DPYSL3: variants seen among roughly 807,000 people sequenced by gnomAD.
The protein encoded by DPYSL3 is dihydropyrimidinase like 3.
A neutral mutation model predicts 66.1 loss-of-function variants in DPYSL3; 16 were observed. The ratio of observed to expected loss-of-function variants is 0.24; its 90% CI spans 0.16 to 0.37. The LOEUF is 0.37. Ranked by LOEUF, DPYSL3 falls within the 10% of genes least tolerant of loss-of-function variation. DPYSL3 has a pLI of 1.00. For missense variants in DPYSL3, 738 were observed against 916.2 expected (o/e 0.81, Z 2.51); for synonymous variants, 338 against 345.1 (o/e 0.98, Z 0.23).
intron 6 of DPYSL3, among the ~76,000 whole-genome samples, chr5:147,409,501 A>C (rs779487424): frequency 6.6e-6 from 1 of 152,228 alleles, no homozygotes; most frequent in African/African-American, 2.4e-5. Context: ...AGCATTACCT[A>C]AGTTAGTGTC....
intron 7 of DPYSL3, chr5:147,405,931 T>C (rs747330582): frequency 1.9e-6 from 1 of 529,110 alleles, no homozygotes; most frequent in Non-Finnish European, 3.2e-6. Context: ...CCAGTGCCTC[T>C]ATCCCTCACT....
At chr5:147,397,338 T>C (rs115074975) in intron 12 of DPYSL3, among the ~76,000 whole-genome samples, 3,017 of 151,096 alleles carry the variant, frequency 0.02, 92 homozygotes, top group African/African-American at 0.069. Context: ...GATTCTCGGT[T>C]CTCACCTTCA....
At chr5:147,455,988 A>G (rs1051546428) in intron 1 of DPYSL3, among the ~76,000 whole-genome samples, 4 of 152,156 alleles carry the variant, frequency 2.6e-5, no homozygotes, top group Non-Finnish European at 5.9e-5. Flanking sequence ...GTTTGCATGC[A>G]AGAGGCCATG....
At chr5:147,401,498 T>A (rs1031950780) in intron 9 of DPYSL3, 42 bp downstream of exon 9, 4 of 1,572,946 alleles carry the variant, frequency 2.5e-6, no homozygotes, top group East Asian at 2.3e-5. Flanking sequence ...ACTCAAGAGA[T>A]GTTTTCACAA....
intron 1 of DPYSL3, among the ~76,000 whole-genome samples, chr5:147,457,119 T>C (rs912460597): frequency 1.3e-5 from 2 of 152,210 alleles, no homozygotes; most frequent in Non-Finnish European, 2.9e-5. Context: ...TCAGTGTTAG[T>C]GCAATGGAGG....
intron 1 of DPYSL3, among the ~76,000 whole-genome samples, chr5:147,461,445 C>A (rs1561796568): frequency 6.6e-6 from 1 of 152,146 alleles, no homozygotes; most frequent in Non-Finnish European, 1.5e-5. Flanking sequence ...CCATTTGGGA[C>A]CCCTCTCTCT....
At position 147,494,859 on chromosome 5, in the gene DPYSL3, A is replaced by T. The variant is rs527693131; in HGVS notation, c.381+14619T>A. On this transcript the variant is annotated intron_variant, in intron 1 of 13. Coordinates refer to ENST00000343218, the MANE Select transcript of DPYSL3 (RefSeq NM_001197294.2). ...GCGCCACTGCACTCCAGCCTGGGTGACAGAGCAAGACTCCATCTCAAAATA... is the reference window on the plus strand; with the variant it reads ...GCGCCACTGCACTCCAGCCTGGGTGTCAGAGCAAGACTCCATCTCAAAATA... Among the ~76,000 whole-genome samples the T allele has an allele frequency of 3.4e-3, 504 of 148,172 alleles. 5 individuals are homozygous for T. The highest frequency in any genetic ancestry group is 0.012 in the African/African-American group (481 of 40,204).
intron 7 of DPYSL3, 40 bp from the exon 8 acceptor site, chr5:147,405,770 C>T (rs1282510885): frequency 5.0e-6 from 8 of 1,586,412 alleles, no homozygotes; most frequent in African/African-American, 1.4e-5. Flanking sequence ...GAAACATGAA[C>T]CTCTCAAACT....
At chr5:147,433,027 T>C (rs1022365613) in intron 1 of DPYSL3, among the ~76,000 whole-genome samples, 16 of 152,310 alleles carry the variant, frequency 1.1e-4, no homozygotes, top group East Asian at 9.6e-4. Flanking sequence ...ACTTTTTCCT[T>C]GATCTACTCA....
At chr5:147,500,351 C>T (rs776162423) in intron 1 of DPYSL3, among the ~76,000 whole-genome samples, 38 of 152,100 alleles carry the variant, frequency 2.5e-4, no homozygotes, top group African/African-American at 3.4e-4. Context: ...CGGTGGCTCA[C>T]GCCTGTAATC....
At chr5:147,483,856 A>G (rs1753287835) in intron 1 of DPYSL3, among the ~76,000 whole-genome samples, 1 of 152,210 alleles carries the variant, frequency 6.6e-6, no homozygotes, top group South Asian at 2.1e-4. Flanking sequence ...CGATTATCTC[A>G]TCTGTAAAAT....
intron 1 of DPYSL3, among the ~76,000 whole-genome samples, chr5:147,434,870 T>C (rs1752388695): frequency 6.6e-6 from 1 of 152,160 alleles, no homozygotes; most frequent in African/African-American, 2.4e-5. Context: ...TTAAGACCCG[T>C]AGAACTACTC....
At chr5:147,413,037 G>A (rs1029797089) in intron 5 of DPYSL3, among the ~76,000 whole-genome samples, 1 of 152,120 alleles carries the variant, frequency 6.6e-6, no homozygotes, top group African/African-American at 2.4e-5. Context: ...AAATGCTCTA[G>A]AAAACCACTA....
At chr5:147,457,300 A>G (rs763201930) in intron 1 of DPYSL3, among the ~76,000 whole-genome samples, 7 of 152,108 alleles carry the variant, frequency 4.6e-5, no homozygotes, top group Admixed American at 1.3e-4. Flanking sequence ...TATTCTCCCC[A>G]TCACCAGAAT....
At chr5:147,505,240 C>A (rs559767751) in intron 1 of DPYSL3, among the ~76,000 whole-genome samples, 1 of 151,774 alleles carries the variant, frequency 6.6e-6, no homozygotes, top group East Asian at 1.9e-4. Context: ...CACTCAGAGA[C>A]GTTTTTTTTT....
intron 10 of DPYSL3, among the ~76,000 whole-genome samples, chr5:147,400,467 C>T (rs752994871): frequency 1.3e-5 from 2 of 152,228 alleles, no homozygotes; most frequent in Non-Finnish European, 2.9e-5. Context: ...CTAGTCCTAA[C>T]AGTCTAGATA....
At chr5:147,495,068 C>T (rs1254039041) in intron 1 of DPYSL3, among the ~76,000 whole-genome samples, 1 of 151,964 alleles carries the variant, frequency 6.6e-6, no homozygotes, top group Non-Finnish European at 1.5e-5. Context: ...CAATAATTAC[C>T]TTCCAAATCA....
chr5:147,482,352 A>G (rs1379047241), intron 1 of DPYSL3, among the ~76,000 whole-genome samples: 1 of 152,244 alleles, frequency 6.6e-6, no homozygotes, highest in Admixed American at 6.5e-5. Flanking sequence ...CCTTTGTGGA[A>G]GTGGTGGATC....
Position 147,509,982 on chromosome 5 carries a change from G to A in DPYSL3, c.-124C>T. On this transcript the variant is annotated 5_prime_UTR_variant, in exon 1 of 14. Transcript: ENST00000343218. This position sits in a 1 kb window ranked among gnomAD's most constrained non-coding sequence, Gnocchi z 5.3. ...GAGGCGCCTGAGCCTTCGCGCCAGA[G>A]GCGGCAGTGCTGCTCCGATTCCTGC... The A allele has an allele frequency of 7.2e-7, 1 of 1,389,880 alleles. No homozygotes were observed. Among genetic ancestry groups the A allele is most frequent in the Middle Eastern group, 2.6e-4 (1 of 3,818 alleles). The allele number at this position is 1,389,880 out of a possible 1,614,324, so 86.1% of individuals were successfully genotyped here.
Sources: allele counts gnomAD v4.1 joint callset (sites outside exome capture counted in the v4.1 genomes callset), GRCh38; gene constraint gnomAD v4.1.1; non-coding constraint Gnocchi (gnomAD v3.1); transcripts MANE v1.5; gene names NCBI Gene and HGNC (gene_info 2026-07-23, HGNC 2026-07-21).